CEP63: variants seen among roughly 807,000 people sequenced by gnomAD.
CEP63 encodes centrosomal protein of 63 kDa.
A neutral mutation model predicts 89.1 loss-of-function variants in CEP63; 84 were observed. That is an observed-to-expected ratio of 0.94 (90% CI 0.79 to 1.13). The LOEUF (loss-of-function observed/expected upper bound fraction) is 1.13, where lower values mean the gene tolerates loss of function less well. CEP63 is among the 50% of genes most tolerant of loss of function. CEP63 has a pLI of 0.00. For synonymous variants in CEP63, 267 were observed against 272.5 expected, an observed-to-expected ratio of 0.98 and a Z score of 0.20; for missense variants, 838 against 813.3, an observed-to-expected ratio of 1.03 and a Z score of -0.37.
At chr3:134,500,177 C>T (rs4974484) in intron 2 of CEP63, among the ~76,000 whole-genome samples, 104,137 of 152,042 alleles carry the variant, frequency 0.68, 35,910 homozygotes, top group East Asian at 0.82. Context: ...CTTCCACTTG[C>T]AAATGAAAAC....
intron 10 of CEP63, among the ~76,000 whole-genome samples, chr3:134,585,855 G>C (rs944519063): frequency 9.2e-5 from 14 of 152,142 alleles, no homozygotes; most frequent in African/African-American, 2.9e-4. Context: ...CTAAGGACTT[G>C]CTTTATGAAT....
At chr3:134,665,334 A>G in the CEP63 span, among the ~76,000 whole-genome samples, 2 of 152,186 alleles carry the variant, frequency 1.3e-5, no homozygotes, top group Non-Finnish European at 2.9e-5. Flanking sequence ...CACCCCATCC[A>G]GTTCCCTGAG....
At chr3:134,736,322 T>C in the CEP63 span, among the ~76,000 whole-genome samples, 2 of 152,136 alleles carry the variant, frequency 1.3e-5, no homozygotes, top group African/African-American at 4.8e-5. Flanking sequence ...TCACCACTTT[T>C]ATTTAACATT....
At chr3:134,697,595 C>T in the CEP63 span, among the ~76,000 whole-genome samples, 1 of 152,172 alleles carries the variant, frequency 6.6e-6, no homozygotes, top group Non-Finnish European at 1.5e-5. Context: ...TCCCAGCACT[C>T]ATGCTCTTTG....
At chr3:134,744,749 C>A in the CEP63 span, among the ~76,000 whole-genome samples, 1 of 152,122 alleles carries the variant, frequency 6.6e-6, no homozygotes, top group African/African-American at 2.4e-5. Flanking sequence ...AACTCCTGGG[C>A]TCAAGCAATC....
At chr3:134,492,316 A>G (rs1359249164) in intron 1 of CEP63, among the ~76,000 whole-genome samples, 1 of 152,156 alleles carries the variant, frequency 6.6e-6, no homozygotes, top group Non-Finnish European at 1.5e-5. Context: ...TATATGGCAC[A>G]TGCAAAGAAG....
downstream of CEP63, among the ~76,000 whole-genome samples, chr3:134,578,330 T>TTTG (rs567655629): frequency 5.0e-5 from 2 of 39,872 alleles, no homozygotes; most frequent in South Asian, 1.9e-3. Flanking sequence ...GTGTTTTTTT[T>TTTG]TTTTTTTTTT....
At chr3:134,658,632 A>T in the CEP63 span, among the ~76,000 whole-genome samples, 26 of 152,344 alleles carry the variant, frequency 1.7e-4, no homozygotes, top group East Asian at 4.1e-3. Context: ...TGGAGGTAGA[A>T]CTGAGCTTTC....
the CEP63 span, among the ~76,000 whole-genome samples, chr3:134,722,424 T>C: frequency 6.6e-6 from 1 of 152,182 alleles, no homozygotes; most frequent in South Asian, 2.1e-4. Flanking sequence ...CCCGATTTAA[T>C]AACTTGAATC....
chr3:134,755,873 A>G, the CEP63 span, among the ~76,000 whole-genome samples: 31 of 152,344 alleles, frequency 2.0e-4, no homozygotes, highest in African/African-American at 6.3e-4. Flanking sequence ...ACAACACAAA[A>G]TAATACTCAT....
chr3:134,656,384 A>C, the CEP63 span, among the ~76,000 whole-genome samples: 20 of 152,320 alleles, frequency 1.3e-4, no homozygotes, highest in East Asian at 2.3e-3. Flanking sequence ...GGGGAAGAGC[A>C]CTGAGAGGAG....
At chr3:134,685,387 C>A in the CEP63 span, among the ~76,000 whole-genome samples, 1 of 152,076 alleles carries the variant, frequency 6.6e-6, no homozygotes, top group Non-Finnish European at 1.5e-5. Context: ...AGCCTTCTCT[C>A]TGGGGATGCC....
chr3:134,636,983 T>C, the CEP63 span, among the ~76,000 whole-genome samples: 3 of 152,396 alleles, frequency 2.0e-5, no homozygotes, highest in Middle Eastern at 3.4e-3. Context: ...GCCTGCTAAA[T>C]GCATTGCAAT....
At chr3:134,668,450 G>C in the CEP63 span, among the ~76,000 whole-genome samples, 1 of 152,202 alleles carries the variant, frequency 6.6e-6, no homozygotes, top group Non-Finnish European at 1.5e-5. Flanking sequence ...AGGCTGTCCA[G>C]GTGTGAGCTG....
chr3:134,507,358 ATTTG>A, intron 3 of CEP63, 72 bp downstream of exon 3: 12 of 1,200,232 alleles, frequency 1.0e-5, no homozygotes, highest in Non-Finnish European at 1.3e-5. Context: ...TTTCTTAAGT[ATTTG>A]TTGAAGAAAG....
the CEP63 span, among the ~76,000 whole-genome samples, chr3:134,605,033 C>T: frequency 6.6e-6 from 1 of 152,088 alleles, no homozygotes; most frequent in African/African-American, 2.4e-5. Context: ...CCATGCTTCT[C>T]ACATAGGTGT....
At chr3:134,546,079 C>T (rs149130783) in intron 7 of CEP63, 70 bp from the exon 8 acceptor site, 1 of 1,528,692 alleles carries the variant, frequency 6.5e-7, no homozygotes, top group South Asian at 1.2e-5. Flanking sequence ...TTAGAAATTT[C>T]TGAGTATTTT....
At chr3:134,590,101 G>A (rs1409402401), downstream of CEP63, among the ~76,000 whole-genome samples, 1 of 152,152 alleles carries the variant, frequency 6.6e-6, no homozygotes, top group Non-Finnish European at 1.5e-5. Context: ...TGGAGGGTGG[G>A]AGGAGGGTGA....
chr3:134,531,245 A>T (rs142632215), intron 3 of CEP63, among the ~76,000 whole-genome samples: 1 of 152,044 alleles, frequency 6.6e-6, no homozygotes, highest in Non-Finnish European at 1.5e-5. Context: ...TCTTATTTTC[A>T]TGAGTTTTTT....
Sources: gnomAD v4.1 joint callset for allele counts (sites outside exome capture counted in the v4.1 genomes callset) on GRCh38, gnomAD v4.1.1 for gene constraint, MANE v1.5 for transcripts, NCBI Gene and HGNC (gene_info 2026-07-23, HGNC 2026-07-21) for gene names.